PTBP2: variants seen among roughly 807,000 people sequenced by gnomAD.
The protein encoded by PTBP2 is polypyrimidine tract-binding protein 2.
Under a neutral mutation model 61.4 loss-of-function variants are expected in PTBP2, and 13 were observed. The ratio of observed to expected loss-of-function variants is 0.21; its 90% CI spans 0.14 to 0.34. The LOEUF (loss-of-function observed/expected upper bound fraction) is 0.34. PTBP2 is among the 10% of genes least tolerant of loss of function. The pLI, the probability that PTBP2 is intolerant of heterozygous loss-of-function variation, is 1.00. For missense variants in PTBP2, 405 were observed against 642.6 expected (o/e 0.63, Z 4.00); for synonymous variants, 215 against 218.5 (o/e 0.98, Z 0.14).
chr1:96,793,489 C>T lies in PTBP2; in HGVS notation c.904+8235C>T, dbSNP rs928327841. Among the ~76,000 whole-genome samples, 4 of 152,246 alleles carry T rather than the reference C, an allele frequency of 2.6e-5. No homozygotes were observed. The South Asian group carries it at 6.2e-4, about 24-fold the overall frequency. On this transcript the variant is annotated intron_variant, in intron 8 of 13. Transcript: ENST00000674951. ...GGTTCACGCCATTCTGCCGCCTCAGCCTCCTGAGTAGCTGGGGCTACAGGT... is the reference window on the plus strand; with the variant it reads ...GGTTCACGCCATTCTGCCGCCTCAGTCTCCTGAGTAGCTGGGGCTACAGGT...
intron 2 of PTBP2, among the ~76,000 whole-genome samples, chr1:96,734,908 T>C (rs1173616746): frequency 7.4e-5 from 11 of 148,936 alleles, no homozygotes; most frequent in Admixed American, 2.0e-4. Flanking sequence ...TTTTTCTTTT[T>C]TTTTTTTTTT....
At chr1:96,794,047 G>A (rs1448048948) in intron 8 of PTBP2, among the ~76,000 whole-genome samples, 1 of 152,094 alleles carries the variant, frequency 6.6e-6, no homozygotes, top group Non-Finnish European at 1.5e-5. Context: ...TTTTCACATA[G>A]TCTTGCTTAA....
At position 96,770,775 on chromosome 1, in the gene PTBP2, C is replaced by T. The variant is rs371846012; in HGVS notation, c.356C>T (p.Pro119Leu). The T allele has an allele frequency of 4.4e-6, 7 of 1,604,688 alleles. No individual in the cohort carries two copies. The highest frequency in any genetic ancestry group is 6.0e-6 in the Non-Finnish European group (7 of 1,171,672). ...GTTAATTACTATTCTGCTGTGACAC[C>T]TCATCTTCGTAACCAACCAATATAT... ...TMVNYYSAVTPHLRNQPIYIQ... is the reference protein window; with the variant it reads ...TMVNYYSAVTLHLRNQPIYIQ... Residue 119 changes from proline to leucine, a missense_variant, in exon 5 of 14, where the codon CCT (proline) becomes CTT (leucine). Physicochemically the swap from Pro to Leu is moderately conservative, Grantham distance 98 (BLOSUM62 -3). Coordinates refer to ENST00000674951, the MANE Select transcript of PTBP2 (RefSeq NM_021190.4).
chr1:96,738,436 G>A (rs1455865121), intron 2 of PTBP2, among the ~76,000 whole-genome samples: 2 of 152,106 alleles, frequency 1.3e-5, no homozygotes, highest in East Asian at 3.9e-4. Flanking sequence ...ACCACACCTG[G>A]CTAATTTTTT....
At chr1:96,789,418 T>G (rs930051517) in intron 8 of PTBP2, among the ~76,000 whole-genome samples, 43 of 152,044 alleles carry the variant, frequency 2.8e-4, no homozygotes, top group African/African-American at 1.0e-3. Flanking sequence ...CTGAGAATAG[T>G]TAAAGAGTGG....
intron 3 of PTBP2, among the ~76,000 whole-genome samples, chr1:96,761,339 G>C (rs1215782866): frequency 3.1e-5 from 4 of 128,244 alleles, no homozygotes; most frequent in Non-Finnish European, 6.6e-5. Context: ...CCTAGATGTG[G>C]GATTTGATGT....
intron 3 of PTBP2, among the ~76,000 whole-genome samples, chr1:96,763,538 G>T (rs1656281047): frequency 6.8e-6 from 1 of 146,016 alleles, no homozygotes; most frequent in Admixed American, 6.9e-5. Flanking sequence ...GTACAGTCCA[G>T]CTTCGGCTCG....
intron 2 of PTBP2, among the ~76,000 whole-genome samples, chr1:96,733,055 TAAC>T (rs1487740324): frequency 6.6e-6 from 1 of 151,620 alleles, no homozygotes; most frequent in Non-Finnish European, 1.5e-5. Flanking sequence ...AAATTTATTG[TAAC>T]AACACAAAGT....
At chr1:96,736,257 A>G (rs1652154893) in intron 2 of PTBP2, among the ~76,000 whole-genome samples, 1 of 152,238 alleles carries the variant, frequency 6.6e-6, no homozygotes, top group South Asian at 2.1e-4. Context: ...GACACCAGAA[A>G]GGAAGTCTGA....
At chr1:96,730,364 G>A (rs1407349898) in intron 2 of PTBP2, among the ~76,000 whole-genome samples, 1 of 151,954 alleles carries the variant, frequency 6.6e-6, no homozygotes, top group African/African-American at 2.4e-5. Flanking sequence ...TTTAAGTACC[G>A]CTTTCACGGC....
chr1:96,806,546 ATAG>A (rs1661509323), intron 10 of PTBP2, 94 bp downstream of exon 10: 2 of 1,347,254 alleles, frequency 1.5e-6, no homozygotes, highest in African/African-American at 2.9e-5. Flanking sequence ...TTAAAGTTGA[ATAG>A]TAAATCTTTT....
Position 96,806,742 on chromosome 1 carries a change from A to G in PTBP2, c.1079-124A>G. 4.1e-6 allele frequency: 3 copies of G among 733,064 alleles called. No individual in the cohort carries two copies. In the East Asian group the frequency reaches 7.9e-5, roughly 19 times the overall value. The allele number at this position is 733,064 out of a possible 1,614,324, so 45.4% of individuals were successfully genotyped here. ...TCTTCTTTATTCATTTGTGAGAATG[A>G]TGAGATTGAGTGATCATGTTGATGT... On this transcript the variant is annotated intron_variant, in intron 10 of 13. Transcript: ENST00000674951.
At chr1:96,732,154 A>G (rs934485903) in intron 2 of PTBP2, among the ~76,000 whole-genome samples, 5 of 152,220 alleles carry the variant, frequency 3.3e-5, no homozygotes, top group African/African-American at 1.2e-4. Flanking sequence ...CACAATTTAA[A>G]TTATGATATG....
At chr1:96,796,162 A>T (rs1660359327) in intron 8 of PTBP2, among the ~76,000 whole-genome samples, 1 of 151,988 alleles carries the variant, frequency 6.6e-6, no homozygotes, top group South Asian at 2.1e-4. Context: ...ACAGAAATGT[A>T]GGTGCATTGG....
intron 2 of PTBP2, among the ~76,000 whole-genome samples, chr1:96,738,878 G>GA (rs1308384570): frequency 3.1e-4 from 47 of 151,970 alleles, no homozygotes; most frequent in African/African-American, 1.1e-3. Context: ...AACTCATAAG[G>GA]AAAAAATGAT....
At chr1:96,808,610 G>A (rs1661725222) in intron 11 of PTBP2, among the ~76,000 whole-genome samples, 1 of 152,152 alleles carries the variant, frequency 6.6e-6, no homozygotes, top group African/African-American at 2.4e-5. Context: ...ACTTAAATTT[G>A]TAAATCATTT....
intron 1 of PTBP2, among the ~76,000 whole-genome samples, 192 bp from the exon 2 acceptor site, chr1:96,723,372 G>GT (rs1557676484): frequency 6.6e-6 from 1 of 152,166 alleles, no homozygotes; most frequent in African/African-American, 2.4e-5. Flanking sequence ...ACATTTGAAA[G>GT]TTACTTTTAG....
chr1:96,782,200 A>G (rs1658754413), intron 7 of PTBP2, among the ~76,000 whole-genome samples: 1 of 151,960 alleles, frequency 6.6e-6, no homozygotes, highest in Admixed American at 6.6e-5. Flanking sequence ...TGGACAGTAT[A>G]TTGTGTCTTC....
intron 2 of PTBP2, among the ~76,000 whole-genome samples, chr1:96,734,915 T>C (rs1651955080): frequency 1.3e-5 from 2 of 149,752 alleles, no homozygotes; most frequent in African/African-American, 2.5e-5. Flanking sequence ...TTTTTTTTTT[T>C]TTTTTTTCCT....
Sources: allele counts gnomAD v4.1 joint callset (sites outside exome capture counted in the v4.1 genomes callset), GRCh38; gene constraint gnomAD v4.1.1; transcripts MANE v1.5; gene names NCBI Gene and HGNC (gene_info 2026-07-23, HGNC 2026-07-21).